The following PDE8B variants were observed in gnomAD, a reference collection of about 807,000 sequenced individuals.
The protein encoded by PDE8B is phosphodiesterase 8B.
A neutral mutation model predicts 101.3 loss-of-function variants in PDE8B; 26 were observed. The ratio of observed to expected loss-of-function variants is 0.26; its 90% CI spans 0.19 to 0.36. The LOEUF (loss-of-function observed/expected upper bound fraction) is 0.36. Ranked by LOEUF, PDE8B falls within the 10% of genes least tolerant of loss-of-function variation. The pLI is 1.00. For synonymous variants in PDE8B, 424 were observed against 429.3 expected, an observed-to-expected ratio of 0.99 and a Z score of 0.15; for missense variants, 810 against 1,163.1, an observed-to-expected ratio of 0.70 and a Z score of 4.42.
At chr5:77,159,124 A>G in the PDE8B span, among the ~76,000 whole-genome samples, 1 of 152,146 alleles carries the variant, frequency 6.6e-6, no homozygotes, top group Non-Finnish European at 1.5e-5. Flanking sequence ...AGGGGCAAGG[A>G]TATATAACCC....
chr5:77,189,836 G>C, the PDE8B span, among the ~76,000 whole-genome samples: 1 of 152,144 alleles, frequency 6.6e-6, no homozygotes, highest in Admixed American at 6.5e-5. Flanking sequence ...ATAGCCTGAG[G>C]GAAGCCAGGT....
the PDE8B span, among the ~76,000 whole-genome samples, chr5:77,166,243 A>AAG: frequency 2.6e-5 from 4 of 151,260 alleles, no homozygotes; most frequent in Admixed American, 2.0e-4. Flanking sequence ...AAAAAAAAAA[A>AAG]AAACCAACAA....
the PDE8B span, chr5:77,140,167 C>T: frequency 6.6e-6 from 1 of 152,222 alleles, no homozygotes; most frequent in Admixed American, 6.5e-5. Flanking sequence ...AGTGAAAATT[C>T]AGAGCTCACT....
the PDE8B span, among the ~76,000 whole-genome samples, chr5:77,198,247 C>A: frequency 3.7e-4 from 57 of 152,208 alleles, no homozygotes; most frequent in East Asian, 8.3e-3. Flanking sequence ...CCTGAGTGAC[C>A]AAGAAAGACA....
chr5:77,257,941 G>C (rs1416452985), intron 1 of PDE8B, among the ~76,000 whole-genome samples: 1 of 152,088 alleles, frequency 6.6e-6, no homozygotes, highest in East Asian at 1.9e-4. Flanking sequence ...AAAATATTCA[G>C]GGCAAAAGAA....
chr5:77,138,746 G>T, the PDE8B span, among the ~76,000 whole-genome samples: 3 of 151,892 alleles, frequency 2.0e-5, no homozygotes, highest in African/African-American at 7.3e-5. Context: ...ATCCAGACTC[G>T]CCTTTTCTAC....
chr5:77,424,811 GT>G (rs1004087096), intron 20 of PDE8B, among the ~76,000 whole-genome samples: 13 of 111,320 alleles, frequency 1.2e-4, no homozygotes, highest in South Asian at 2.7e-4. Flanking sequence ...AACTGGTTCT[GT>G]TTTTTTGTTT....
chr5:77,233,201 T>A lies in PDE8B; in HGVS notation c.339+21937T>A, dbSNP rs79189791. On this transcript the variant is annotated intron_variant, in intron 1 of 21. Transcript: ENST00000264917. ...TTTGTTTTCTGGGTGGTTGCTTAGTTGTACTTCTCCTTTATGACCTCTCAC... is the reference window on the plus strand; with the variant it reads ...TTTGTTTTCTGGGTGGTTGCTTAGTAGTACTTCTCCTTTATGACCTCTCAC... Among the ~76,000 whole-genome samples, 77 of 152,136 alleles carry A rather than the reference T, an allele frequency of 5.1e-4. 1 individual carries two copies. The East Asian group carries it at 0.011, about 22-fold the overall frequency.
chr5:77,234,611 T>G (rs1754300499), intron 1 of PDE8B, among the ~76,000 whole-genome samples: 1 of 152,174 alleles, frequency 6.6e-6, no homozygotes, highest in Admixed American at 6.5e-5. Context: ...AGTACTTGTC[T>G]AGTCTACCAG....
At chr5:77,088,539 AG>A in the PDE8B span, 1 of 112,856 alleles carries the variant, frequency 8.9e-6, no homozygotes, top group African/African-American at 3.7e-5. Flanking sequence ...ATTAGGTGGT[AG>A]GGGTGGCACT....
the PDE8B span, among the ~76,000 whole-genome samples, chr5:77,117,352 A>T: frequency 6.6e-6 from 1 of 152,170 alleles, no homozygotes; most frequent in African/African-American, 2.4e-5. Flanking sequence ...GCATTCAGTC[A>T]TGTTCAGGAT....
At chr5:77,244,118 C>T (rs912946276) in intron 1 of PDE8B, among the ~76,000 whole-genome samples, 25 of 152,040 alleles carry the variant, frequency 1.6e-4, no homozygotes, top group African/African-American at 6.0e-4. Flanking sequence ...ACAAGCCAAG[C>T]CATGATAGGA....
chr5:77,279,378 A>G (rs986615483), intron 1 of PDE8B, among the ~76,000 whole-genome samples: 4 of 152,180 alleles, frequency 2.6e-5, no homozygotes, highest in Admixed American at 6.5e-5. Context: ...TAGTCCCACT[A>G]GAGTCTATAA....
intron 1 of PDE8B, among the ~76,000 whole-genome samples, chr5:77,240,941 A>G (rs1384429483): frequency 6.6e-6 from 1 of 152,220 alleles, no homozygotes; most frequent in African/African-American, 2.4e-5. Flanking sequence ...GCATGTTTAC[A>G]AAACTTCCTA....
intron 2 of PDE8B, among the ~76,000 whole-genome samples, chr5:77,316,643 C>T (rs769805208): frequency 1.6e-4 from 24 of 152,170 alleles, no homozygotes; most frequent in Admixed American, 6.5e-4. Flanking sequence ...ATTTAAGTAC[C>T]TCCTGACAGC....
the PDE8B span, among the ~76,000 whole-genome samples, chr5:77,097,725 A>ATATATATCTATATATATATATC: frequency 1.5e-5 from 1 of 65,176 alleles, no homozygotes; most frequent in Admixed American, 2.2e-4. Flanking sequence ...ATATATATAT[A>ATATATATCTATATATATATATC]TATATATACA....
chr5:77,394,535 A>T (rs771298629), intron 10 of PDE8B, among the ~76,000 whole-genome samples: 1 of 152,178 alleles, frequency 6.6e-6, no homozygotes, highest in Non-Finnish European at 1.5e-5. Context: ...GCACTCTGGC[A>T]TGCTACATTC....
chr5:77,392,585 A>T (rs1790168867), intron 10 of PDE8B, among the ~76,000 whole-genome samples: 1 of 152,154 alleles, frequency 6.6e-6, no homozygotes, highest in South Asian at 2.1e-4. Context: ...ATAATTTGGG[A>T]ATCTTTGAGG....
At chr5:77,092,952 T>G in the PDE8B span, among the ~76,000 whole-genome samples, 1 of 152,130 alleles carries the variant, frequency 6.6e-6, no homozygotes. Context: ...AGAAAAATAT[T>G]TATCAAGATT....
Sources: allele counts gnomAD v4.1 joint callset (sites outside exome capture counted in the v4.1 genomes callset), GRCh38; gene constraint gnomAD v4.1.1; transcripts MANE v1.5; gene names NCBI Gene and HGNC (gene_info 2026-07-23, HGNC 2026-07-21).